Variants in GNAL observed in about 807,000 individuals in gnomAD.
The protein encoded by GNAL is G protein subunit alpha L, also known as guanine nucleotide-binding protein G(olf) subunit alpha.
Under a neutral mutation model 55.1 loss-of-function variants are expected in GNAL, and 18 were observed. The observed-to-expected ratio is 0.33, with a 90% CI of 0.23 to 0.48. GNAL has a LOEUF of 0.48. GNAL is among the 20% of genes least tolerant of loss of function. GNAL has a pLI of 0.99. For synonymous variants in GNAL, 253 were observed against 237.0 expected (o/e 1.07, Z -0.62); for missense variants, 412 against 614.1 (o/e 0.67, Z 3.48).
chr18:11,778,960 T>G (rs1254801195), intron 4 of GNAL, among the ~76,000 whole-genome samples: 1 of 152,090 alleles, frequency 6.6e-6, no homozygotes, highest in African/African-American at 2.4e-5. Context: ...CCCACCCTGC[T>G]TCAACAGTCA....
chr18:11,776,927 C>A (rs2033802123), intron 4 of GNAL, among the ~76,000 whole-genome samples: 1 of 152,000 alleles, frequency 6.6e-6, no homozygotes, highest in Admixed American at 6.6e-5. Flanking sequence ...AAGAGGTCAT[C>A]CCAAGAATGC....
chr18:11,761,672 T>A (rs2033248617), intron 4 of GNAL, among the ~76,000 whole-genome samples: 1 of 152,186 alleles, frequency 6.6e-6, no homozygotes, highest in Admixed American at 6.5e-5. Flanking sequence ...GGCCTGCAGT[T>A]TCTGCCCAGT....
intron 1 of GNAL, among the ~76,000 whole-genome samples, chr18:11,748,081 A>G (rs1435674484): frequency 1.3e-5 from 2 of 152,192 alleles, no homozygotes; most frequent in African/African-American, 4.8e-5. Context: ...AACACAAATG[A>G]GAATCGGTTT....
At chr18:11,706,420 C>T (rs970002675) in intron 1 of GNAL, among the ~76,000 whole-genome samples, 1 of 152,140 alleles carries the variant, frequency 6.6e-6, no homozygotes, top group Non-Finnish European at 1.5e-5. Flanking sequence ...GGTGGAAGGT[C>T]TTGCCTCGAT....
intron 1 of GNAL, chr18:11,746,840 G>T: frequency 1.9e-6 from 1 of 521,620 alleles, no homozygotes; most frequent in Non-Finnish European, 3.9e-6. Context: ...AGATCGTATT[G>T]GAAGTGAACA....
chr18:11,855,696 GGTGCAGT>G (rs1331643078), intron 5 of GNAL, among the ~76,000 whole-genome samples: 1 of 152,168 alleles, frequency 6.6e-6, no homozygotes, highest in Non-Finnish European at 1.5e-5. Context: ...TGCTGGGCCA[GGTGCAGT>G]GGCTCACGCC....
At chr18:11,878,979 A>G (rs2036595646) in intron 11 of GNAL, among the ~76,000 whole-genome samples, 1 of 144,328 alleles carries the variant, frequency 6.9e-6, no homozygotes, top group Non-Finnish European at 1.5e-5. Flanking sequence ...GTGGGGAGGG[A>G]TAGCATTAGG....
At chr18:11,731,572 A>T (rs1180916821) in intron 1 of GNAL, among the ~76,000 whole-genome samples, 1 of 152,266 alleles carries the variant, frequency 6.6e-6, no homozygotes, top group Non-Finnish European at 1.5e-5. Flanking sequence ...TTGACAAAAC[A>T]GAAGAAAGAA....
intron 1 of GNAL, among the ~76,000 whole-genome samples, chr18:11,708,603 C>A (rs1280549530): frequency 1.3e-5 from 2 of 152,184 alleles, no homozygotes; most frequent in African/African-American, 2.4e-5. Context: ...TAGACTTGCT[C>A]AACACAAGGT....
intron 4 of GNAL, among the ~76,000 whole-genome samples, chr18:11,820,057 C>T (rs2035053713): frequency 6.6e-6 from 1 of 151,964 alleles, no homozygotes; most frequent in Non-Finnish European, 1.5e-5. Context: ...ATTTGGGCTC[C>T]TAGGGTTGAT....
chr18:11,717,874 A>G (rs886099437), intron 1 of GNAL, among the ~76,000 whole-genome samples: 1 of 152,232 alleles, frequency 6.6e-6, no homozygotes. Context: ...TAATCTGTAC[A>G]ATAAAACCTC....
At chr18:11,762,048 T>C (rs2903236) in intron 4 of GNAL, among the ~76,000 whole-genome samples, 10,375 of 152,208 alleles carry the variant, frequency 0.068, 578 homozygotes, top group African/African-American at 0.15. Context: ...GTGTTGAAAA[T>C]AGATGGTGCG....
At chr18:11,840,728 G>C (rs2035595435) in intron 5 of GNAL, among the ~76,000 whole-genome samples, 1 of 152,168 alleles carries the variant, frequency 6.6e-6, no homozygotes, top group Non-Finnish European at 1.5e-5. Context: ...TGCTGTGACA[G>C]ATTCAGTCAA....
At chr18:11,779,754 A>G (rs1307842572) in intron 4 of GNAL, among the ~76,000 whole-genome samples, 2 of 152,208 alleles carry the variant, frequency 1.3e-5, no homozygotes, top group Non-Finnish European at 2.9e-5. Flanking sequence ...AGTGAACAAG[A>G]TGCAGTCCCT....
At chr18:11,880,237 A>C (rs1367571631) in intron 11 of GNAL, among the ~76,000 whole-genome samples, 1 of 150,600 alleles carries the variant, frequency 6.6e-6, no homozygotes, top group Non-Finnish European at 1.5e-5. Context: ...AGCCTGGGGG[A>C]CACAGCGAGA....
chr18:11,736,950 C>T (rs745912454), intron 1 of GNAL, among the ~76,000 whole-genome samples: 9 of 152,068 alleles, frequency 5.9e-5, no homozygotes, highest in South Asian at 4.1e-4. Flanking sequence ...TGTGTAAATA[C>T]GAATATGAAA....
At chr18:11,880,081 A>C (rs1246528321) in intron 11 of GNAL, among the ~76,000 whole-genome samples, 2 of 150,834 alleles carry the variant, frequency 1.3e-5, no homozygotes, top group Non-Finnish European at 3.0e-5. Context: ...ACATGGTGAA[A>C]CCCCGTCTCT....
At chr18:11,807,517 G>T (rs753740902) in intron 4 of GNAL, among the ~76,000 whole-genome samples, 1 of 152,224 alleles carries the variant, frequency 6.6e-6, no homozygotes, top group Non-Finnish European at 1.5e-5. Context: ...GGCCTAAGCC[G>T]GGCCGTGGGG....
chr18:11,851,481 C>A (rs16976750), intron 5 of GNAL: 230,634 of 1,504,186 alleles, frequency 0.15, 19,926 homozygotes, highest in East Asian at 0.36. Context: ...GCTTCTCAGC[C>A]GGGCCGCCGA....
Sources: gnomAD v4.1 joint callset for allele counts (sites outside exome capture counted in the v4.1 genomes callset) on GRCh38, gnomAD v4.1.1 for gene constraint, MANE v1.5 for transcripts, NCBI Gene and HGNC (gene_info 2026-07-23, HGNC 2026-07-21) for gene names.